The following RNF180 variants were observed in gnomAD, a reference collection of about 807,000 sequenced individuals.
RNF180 encodes the protein E3 ubiquitin-protein ligase RNF180.
A neutral mutation model predicts 59.2 loss-of-function variants in RNF180; 38 were observed. The ratio of observed to expected loss-of-function variants is 0.64; its 90% CI spans 0.50 to 0.84. The LOEUF is 0.84. Among genes scored for constraint, RNF180 ranks in the 40% least tolerant of loss-of-function variants. RNF180 has a pLI of 0.00. For missense variants in RNF180, 705 were observed against 700.9 expected (o/e 1.01, Z -0.07); for synonymous variants, 262 against 240.3 (o/e 1.09, Z -0.84).
chr5:64,285,890 G>A lies in RNF180; in HGVS notation c.1228-39296G>A, dbSNP rs576202209. 2.6e-5 allele frequency among the ~76,000 whole-genome samples: 4 copies of A among 152,256 alleles called. No individual in the cohort carries two copies. In the South Asian group the frequency reaches 8.3e-4, roughly 32 times the overall value. On this transcript the variant is annotated intron_variant, in intron 5 of 7. Transcript: ENST00000389100. ...TGTGCTCCTCACAGGCTGGAGTCCTGCCCCTGCCATCTCTCTAAGCAGCTC... is the reference window on the plus strand; with the variant it reads ...TGTGCTCCTCACAGGCTGGAGTCCTACCCCTGCCATCTCTCTAAGCAGCTC...
In RNF180 at chr5:64,351,954, T is replaced by G. The variant is rs566547621; in HGVS notation, c.1580-17661T>G. On this transcript the variant is annotated intron_variant, in intron 7 of 7. Transcript: ENST00000389100. ...GAGGATTCCCTCTTTTTCTATTGAT[T>G]GGAATAGTTTCAGAAGGAATGGTAC... 2.6e-3 allele frequency among the ~76,000 whole-genome samples: 400 copies of G among 152,270 alleles called. 5 individuals carry two copies. The highest frequency in any genetic ancestry group is 9.3e-3 in the African/African-American group (387 of 41,576).
chr5:64,284,591 G>GA (rs1742184773), intron 5 of RNF180, among the ~76,000 whole-genome samples: 1 of 152,278 alleles, frequency 6.6e-6, no homozygotes, highest in African/African-American at 2.4e-5. Flanking sequence ...GAACCAGTCT[G>GA]AGATTCTTTC....
At chr5:64,277,871 G>A (rs928645061) in intron 5 of RNF180, among the ~76,000 whole-genome samples, 5 of 152,142 alleles carry the variant, frequency 3.3e-5, no homozygotes, top group Non-Finnish European at 7.3e-5. Flanking sequence ...CCAAAGCTGG[G>A]CCAACTCTAG....
At chr5:64,277,197 A>G (rs1741771932) in intron 5 of RNF180, among the ~76,000 whole-genome samples, 1 of 151,558 alleles carries the variant, frequency 6.6e-6, no homozygotes, top group Non-Finnish European at 1.5e-5. Flanking sequence ...AAAAGGGGAA[A>G]AAAAAAAAAA....
At chr5:64,340,156 A>C (rs558671030) in intron 7 of RNF180, among the ~76,000 whole-genome samples, 5 of 152,212 alleles carry the variant, frequency 3.3e-5, no homozygotes, top group Non-Finnish European at 7.4e-5. Flanking sequence ...ATATGTATAC[A>C]CACATACACA....
intron 5 of RNF180, among the ~76,000 whole-genome samples, chr5:64,306,789 A>G (rs1049007140): frequency 2.7e-5 from 4 of 150,872 alleles, no homozygotes; most frequent in African/African-American, 9.7e-5. Context: ...ACACATGGAC[A>G]CAGGAAGGGG....
At chr5:64,310,945 A>G (rs556757161) in intron 5 of RNF180, among the ~76,000 whole-genome samples, 1 of 152,072 alleles carries the variant, frequency 6.6e-6, no homozygotes, top group African/African-American at 2.4e-5. Context: ...TAATCTAGCT[A>G]AGGACCTGGG....
At chr5:64,171,987 G>A (rs1579917995) in intron 1 of RNF180, among the ~76,000 whole-genome samples, 1 of 152,172 alleles carries the variant, frequency 6.6e-6, no homozygotes, top group Non-Finnish European at 1.5e-5. Context: ...ATCAGTTGGA[G>A]TACTTACCTG....
chr5:64,178,202 C>CAAAAAAAAAAAAAAAA, intron 1 of RNF180, among the ~76,000 whole-genome samples: 1 of 86,830 alleles, frequency 1.2e-5, no homozygotes. Flanking sequence ...GACTCCATCT[C>CAAAAAAAAAAAAAAAA]AAAAAAAAAA....
intron 1 of RNF180, among the ~76,000 whole-genome samples, chr5:64,188,131 G>A (rs1003858508): frequency 6.6e-6 from 1 of 152,136 alleles, no homozygotes; most frequent in Admixed American, 6.6e-5. Flanking sequence ...ATCTGACAGA[G>A]TTATTATGTA....
chr5:64,166,496 T>G (rs1749648731), intron 1 of RNF180, among the ~76,000 whole-genome samples: 1 of 152,230 alleles, frequency 6.6e-6, no homozygotes, highest in Non-Finnish European at 1.5e-5. Flanking sequence ...TGTACGACTT[T>G]CTGCTAGGCA....
chr5:64,192,910 T>TATATATATATATAC (rs1406745049), intron 1 of RNF180, among the ~76,000 whole-genome samples: 2 of 52,554 alleles, frequency 3.8e-5, no homozygotes, highest in Non-Finnish European at 7.6e-5. Context: ...CATGTATATA[T>TATATATATATATAC]ATATATATAT....
rs115079336 is a variant in RNF180 at position 64,320,090 on chromosome 5, C to G, written c.1228-5096C>G. 9.8e-3 allele frequency among the ~76,000 whole-genome samples: 1,487 copies of G among 152,308 alleles called. 23 individuals are homozygous for G. Among genetic ancestry groups the G allele is most frequent in the African/African-American group, 0.033 (1,392 of 41,564 alleles). ...TCCCAGATCTACTGAAGCAGAAACT[C>G]TAGGGATGGGCCCAGCATTAATTTA... On this transcript the variant is annotated intron_variant, in intron 5 of 7. Transcript: ENST00000389100.
Position 64,260,231 on chromosome 5 carries a change from G to A in RNF180, c.1227+42835G>A, listed in dbSNP as rs563759360. Among the ~76,000 whole-genome samples the A allele has an allele frequency of 6.6e-5, 10 of 152,148 alleles. No individual in the cohort carries two copies. In the East Asian group the frequency reaches 1.4e-3, roughly 21 times the overall value. The stretch of plus-strand genomic sequence containing the variant: ...TTCCCCCTCAAATTAATGGGCCCTC[G>A]TGGCAGTTTTTCTAGGTCTGTGATT... On this transcript the variant is annotated intron_variant, in intron 5 of 7. Transcript: ENST00000389100.
intron 5 of RNF180, among the ~76,000 whole-genome samples, chr5:64,261,024 T>C (rs1169195566): frequency 6.6e-6 from 1 of 152,076 alleles, no homozygotes; most frequent in Non-Finnish European, 1.5e-5. Flanking sequence ...ATTTTAATGT[T>C]CCAAATAGGA....
intron 5 of RNF180, among the ~76,000 whole-genome samples, chr5:64,288,572 G>A (rs1024286614): frequency 4.6e-5 from 7 of 152,136 alleles, no homozygotes; most frequent in Non-Finnish European, 8.8e-5. Flanking sequence ...ATTTCATTGA[G>A]CAGTGGTTTG....
intron 5 of RNF180, among the ~76,000 whole-genome samples, chr5:64,270,066 C>T (rs1744924897): frequency 6.6e-6 from 1 of 151,574 alleles, no homozygotes. Flanking sequence ...TTTAGTGGAT[C>T]GTAAATCAGT....
intron 7 of RNF180, among the ~76,000 whole-genome samples, chr5:64,356,662 T>G (rs977625443): frequency 1.3e-5 from 2 of 151,532 alleles, no homozygotes; most frequent in Non-Finnish European, 2.9e-5. Context: ...TAAAAAGGAG[T>G]AAAAGCCATA....
intron 5 of RNF180, among the ~76,000 whole-genome samples, chr5:64,252,089 A>G (rs1384842999): frequency 6.6e-6 from 1 of 152,210 alleles, no homozygotes; most frequent in Non-Finnish European, 1.5e-5. Context: ...AACCAAAACA[A>G]TCTGGAGCAA....
Sources: gnomAD v4.1 joint callset for allele counts (sites outside exome capture counted in the v4.1 genomes callset) on GRCh38, gnomAD v4.1.1 for gene constraint, MANE v1.5 for transcripts, NCBI Gene and HGNC (gene_info 2026-07-23, HGNC 2026-07-21) for gene names.